TMEM196: variants seen among roughly 807,000 people sequenced by gnomAD.
The protein encoded by TMEM196 is transmembrane protein 196.
In TMEM196, 17 loss-of-function variants were observed where a neutral mutation model predicts 20.0. The observed-to-expected ratio is 0.85, with a 90% CI of 0.58 to 1.27. The LOEUF (loss-of-function observed/expected upper bound fraction) is 1.27, where lower values mean the gene tolerates loss of function less well. TMEM196 is among the 50% of genes most tolerant of loss of function. The pLI is 0.00. For missense variants in TMEM196, 267 were observed against 223.0 expected, an observed-to-expected ratio of 1.20 and a Z score of -1.26; for synonymous variants, 113 against 88.9, an observed-to-expected ratio of 1.27 and a Z score of -1.52.
intron 3 of TMEM196, among the ~76,000 whole-genome samples, chr7:19,725,124 A>G (rs1323842417): frequency 6.6e-6 from 1 of 152,198 alleles, no homozygotes; most frequent in African/African-American, 2.4e-5. Flanking sequence ...AATCAAATGC[A>G]TCTCCTTAAT....
At chr7:19,737,162 A>G (rs1303200299) in intron 1 of TMEM196, among the ~76,000 whole-genome samples, 1 of 152,074 alleles carries the variant, frequency 6.6e-6, no homozygotes, top group African/African-American at 2.4e-5. Context: ...AAAGATCTGA[A>G]CAGACAACTG....
intron 1 of TMEM196, among the ~76,000 whole-genome samples, chr7:19,756,576 T>C (rs1384821908): frequency 6.6e-6 from 1 of 152,078 alleles, no homozygotes; most frequent in East Asian, 1.9e-4. Context: ...TGAGTCCATA[T>C]GTTCTTATCA....
chr7:19,745,636 T>TAGAAAATAAAGA (rs1784724266), intron 1 of TMEM196, among the ~76,000 whole-genome samples: 1 of 150,578 alleles, frequency 6.6e-6, no homozygotes. Context: ...GAGACATGGC[T>TAGAAAATAAAGA]AGAAAATAAA....
At chr7:19,728,952 C>T (rs778460231) in intron 2 of TMEM196, among the ~76,000 whole-genome samples, 3 of 152,196 alleles carry the variant, frequency 2.0e-5, no homozygotes, top group African/African-American at 7.2e-5. Flanking sequence ...CTTGCTGCTT[C>T]GCAAAACTTG....
chr7:19,759,642 G>A (rs751740135), intron 1 of TMEM196, among the ~76,000 whole-genome samples: 1 of 151,252 alleles, frequency 6.6e-6, no homozygotes, highest in Admixed American at 6.6e-5. Context: ...ACACATGCAC[G>A]CACACACACG....
intron 1 of TMEM196, among the ~76,000 whole-genome samples, chr7:19,765,624 T>C (rs1436515193): frequency 1.3e-5 from 2 of 152,168 alleles, no homozygotes; most frequent in Non-Finnish European, 2.9e-5. Flanking sequence ...ACTATTCGAT[T>C]TGCCTAATTT....
At chr7:19,759,004 A>AT (rs538704237) in intron 1 of TMEM196, among the ~76,000 whole-genome samples, 4 of 151,938 alleles carry the variant, frequency 2.6e-5, no homozygotes, top group East Asian at 1.9e-4. Context: ...TTACATATTT[A>AT]TTTTTTTCCC....
chr7:19,748,263 CAAAAAAAAAAA>C (rs57276805), intron 1 of TMEM196, among the ~76,000 whole-genome samples: 11 of 20,780 alleles, frequency 5.3e-4, no homozygotes, highest in Non-Finnish European at 5.5e-4. Context: ...TGTGGCTGTC[CAAAAAAAAAAA>C]AAAAAAAAAA....
At chr7:19,725,424 T>C (rs1045470610) in intron 3 of TMEM196, 90 bp downstream of exon 3, 22 of 1,457,232 alleles carry the variant, frequency 1.5e-5, no homozygotes, top group East Asian at 2.3e-5. Flanking sequence ...ATTCCTCAAA[T>C]TGTGATCTAA....
At chr7:19,743,476 G>T (rs951200830) in intron 1 of TMEM196, among the ~76,000 whole-genome samples, 1 of 152,068 alleles carries the variant, frequency 6.6e-6, no homozygotes, top group African/African-American at 2.4e-5. Flanking sequence ...TGCTCTCTCT[G>T]TTTGTATCAA....
At chr7:19,754,502 C>A (rs1315987048) in intron 1 of TMEM196, among the ~76,000 whole-genome samples, 1 of 152,126 alleles carries the variant, frequency 6.6e-6, no homozygotes, top group Non-Finnish European at 1.5e-5. Flanking sequence ...CAGTAGAATA[C>A]AGATGGGAAT....
intron 1 of TMEM196, among the ~76,000 whole-genome samples, chr7:19,730,968 T>C (rs1403532570): frequency 6.6e-6 from 1 of 152,180 alleles, no homozygotes; most frequent in Non-Finnish European, 1.5e-5. Flanking sequence ...ACACCAAAAT[T>C]AATGTAAAAT....
intron 1 of TMEM196, among the ~76,000 whole-genome samples, chr7:19,749,463 C>T (rs935372819): frequency 2.4e-4 from 36 of 152,144 alleles, no homozygotes; most frequent in African/African-American, 6.5e-4. Flanking sequence ...TTGCTTTGTG[C>T]GCATGTCACA....
At chr7:19,737,677 G>A (rs1460516945) in intron 1 of TMEM196, among the ~76,000 whole-genome samples, 2 of 151,872 alleles carry the variant, frequency 1.3e-5, no homozygotes, top group Non-Finnish European at 2.9e-5. Context: ...TTCACTGTAT[G>A]ATTCCAATTC....
Position 19,772,748 on chromosome 7 carries a change from C to T in TMEM196, c.-52G>A. 5 of 1,418,670 alleles carry T rather than the reference C, an allele frequency of 3.5e-6. No homozygotes were observed. The highest frequency in any genetic ancestry group is 4.7e-6 in the Non-Finnish European group (5 of 1,071,486). The allele number at this position is 1,418,670 out of a possible 1,614,324, so 87.9% of individuals were successfully genotyped here. ...TCAGAGAGGGAAATCAACCATCTAC[C>T]TTTTTTTCTTCCACTATCCTCCTTA... On this transcript the variant is annotated 5_prime_UTR_variant, in exon 1 of 5. Coordinates refer to ENST00000405844, the MANE Select transcript of TMEM196 (RefSeq NM_001363562.2).
At chr7:19,752,746 C>G (rs1028342518) in intron 1 of TMEM196, among the ~76,000 whole-genome samples, 19 of 152,126 alleles carry the variant, frequency 1.2e-4, no homozygotes, top group African/African-American at 4.6e-4. Context: ...TCCCGAGTAG[C>G]TGGGACTACA....
chr7:19,771,044 A>G (rs1785855260), intron 1 of TMEM196, among the ~76,000 whole-genome samples: 1 of 152,126 alleles, frequency 6.6e-6, no homozygotes, highest in Admixed American at 6.6e-5. Flanking sequence ...AAATGTTGAC[A>G]TTACACTTCA....
intron 3 of TMEM196, among the ~76,000 whole-genome samples, 192 bp from the exon 4 acceptor site, chr7:19,724,545 G>A (rs1032748358): frequency 2.6e-5 from 4 of 152,076 alleles, no homozygotes; most frequent in African/African-American, 9.7e-5. Context: ...TTTCATGAAG[G>A]ACATGCATAG....
At chr7:19,751,744 A>T (rs1424077936) in intron 1 of TMEM196, among the ~76,000 whole-genome samples, 1 of 152,220 alleles carries the variant, frequency 6.6e-6, no homozygotes, top group African/African-American at 2.4e-5. Flanking sequence ...TCCTAACAGA[A>T]TTATAAAGAA....
Sources: gnomAD v4.1 joint callset for allele counts (sites outside exome capture counted in the v4.1 genomes callset) on GRCh38, gnomAD v4.1.1 for gene constraint, MANE v1.5 for transcripts, NCBI Gene and HGNC (gene_info 2026-07-23, HGNC 2026-07-21) for gene names.